SEMA6D: variants seen among roughly 807,000 people sequenced by gnomAD.
SEMA6D encodes the protein semaphorin-6D.
SEMA6D carries 35 observed loss-of-function variants against 106.6 expected under a neutral mutation model. The ratio of observed to expected loss-of-function variants is 0.33; its 90% CI spans 0.25 to 0.44. SEMA6D has a LOEUF of 0.44. SEMA6D is among the 20% of genes least tolerant of loss of function. The pLI, the probability that SEMA6D is intolerant of heterozygous loss-of-function variation, is 1.00. For synonymous variants in SEMA6D, 499 were observed against 487.7 expected (o/e 1.02, Z -0.31); for missense variants, 1,185 against 1,345.9 (o/e 0.88, Z 1.87).
intron 1 of SEMA6D, among the ~76,000 whole-genome samples, chr15:47,407,389 C>CAAA (rs2040617329): frequency 4.8e-5 from 4 of 83,680 alleles, no homozygotes; most frequent in African/African-American, 8.7e-5. Context: ...AAAAAAAAAC[C>CAAA]AAAACAACAA....
chr15:47,604,868 T>TTTTG lies in SEMA6D; in HGVS notation c.-55+3975_-55+3976insGTTT, dbSNP rs2076744112. Reference sequence around the variant, plus strand: ...CCCACCACCACCATGCCTGGCTAATTTTTTTTTTTTTGTATTTTTAGTAGA... The same window carrying TTTTG: ...CCCACCACCACCATGCCTGGCTAATTTTTGTTTTTTTTTTTGTATTTTTAGTAGA... On this transcript the variant is annotated intron_variant, in intron 4 of 19. Transcript: ENST00000558014. 1.5e-4 allele frequency among the ~76,000 whole-genome samples: 23 copies of TTTTG among 149,948 alleles called. No homozygotes were observed. In the South Asian group the frequency reaches 4.9e-3, roughly 32 times the overall value.
chr15:47,744,983 GT>G (rs2081044134), intron 1 of SEMA6D, among the ~76,000 whole-genome samples: 2 of 152,168 alleles, frequency 1.3e-5, no homozygotes, highest in African/African-American at 4.8e-5. Flanking sequence ...CTTTCTCATG[GT>G]CTGTCAGATC....
intron 3 of SEMA6D, among the ~76,000 whole-genome samples, chr15:47,512,688 A>ACCCC (rs963735752): frequency 6.6e-6 from 1 of 152,232 alleles, no homozygotes; most frequent in African/African-American, 2.4e-5. Context: ...GGACCAAGAC[A>ACCCC]AAGACTGTGA....
At chr15:47,685,930 A>T (rs2078458066) in intron 4 of SEMA6D, among the ~76,000 whole-genome samples, 1 of 152,210 alleles carries the variant, frequency 6.6e-6, no homozygotes, top group Non-Finnish European at 1.5e-5. Flanking sequence ...CATATCTGAG[A>T]TTTAAAATAG....
intron 3 of SEMA6D, among the ~76,000 whole-genome samples, chr15:47,577,719 C>G (rs547884939): frequency 4.6e-5 from 7 of 152,286 alleles, no homozygotes; most frequent in African/African-American, 1.4e-4. Flanking sequence ...GCTTTCCCTC[C>G]CTTACCATTA....
At chr15:47,212,006 A>G (rs767846659) in intron 1 of SEMA6D, among the ~76,000 whole-genome samples, 3 of 152,038 alleles carry the variant, frequency 2.0e-5, no homozygotes, top group African/African-American at 4.8e-5. Flanking sequence ...AAAACTGCTA[A>G]GAAGGAGATA....
chr15:47,583,594 G>A (rs2076288729), intron 3 of SEMA6D, among the ~76,000 whole-genome samples: 1 of 152,116 alleles, frequency 6.6e-6, no homozygotes, highest in South Asian at 2.1e-4. Context: ...TTTAAAAGTA[G>A]TCACTCCTAG....
intron 3 of SEMA6D, among the ~76,000 whole-genome samples, chr15:47,556,656 G>T (rs975414712): frequency 2.6e-5 from 4 of 152,034 alleles, no homozygotes; most frequent in African/African-American, 7.2e-5. Flanking sequence ...TGGAAACACA[G>T]AACTAAATGA....
chr15:47,536,877 A>T (rs2142142849), intron 3 of SEMA6D, among the ~76,000 whole-genome samples: 1 of 152,322 alleles, frequency 6.6e-6, no homozygotes, highest in Non-Finnish European at 1.5e-5. Flanking sequence ...CTGAATATTT[A>T]GGGAGTAATT....
chr15:47,490,675 C>T (rs184080969), intron 3 of SEMA6D, among the ~76,000 whole-genome samples: 284 of 152,176 alleles, frequency 1.9e-3, no homozygotes, highest in African/African-American at 6.6e-3. Context: ...ATAGAAGCTA[C>T]AAACTAGCGC....
At chr15:47,532,758 A>G (rs2045016449) in intron 3 of SEMA6D, among the ~76,000 whole-genome samples, 1 of 152,184 alleles carries the variant, frequency 6.6e-6, no homozygotes. Context: ...GATATTGACT[A>G]AGTATCTCAG....
At chr15:47,495,662 T>A (rs916046433) in intron 3 of SEMA6D, among the ~76,000 whole-genome samples, 15 of 152,104 alleles carry the variant, frequency 9.9e-5, no homozygotes, top group African/African-American at 2.9e-4. Flanking sequence ...TCTGTGGAAC[T>A]GTCTTCTAGC....
At chr15:47,273,385 GT>G (rs2034649524) in intron 1 of SEMA6D, among the ~76,000 whole-genome samples, 1 of 152,142 alleles carries the variant, frequency 6.6e-6, no homozygotes, top group Non-Finnish European at 1.5e-5. Context: ...CTTAAAACTT[GT>G]GTTAAGAGGA....
chr15:47,267,650 A>C (rs1445233551), intron 1 of SEMA6D, among the ~76,000 whole-genome samples: 1 of 152,074 alleles, frequency 6.6e-6, no homozygotes, highest in South Asian at 2.1e-4. Context: ...AGAATTTTAG[A>C]TATCTGACTG....
chr15:47,578,715 T>A (rs2076202024), intron 3 of SEMA6D, among the ~76,000 whole-genome samples: 1 of 152,142 alleles, frequency 6.6e-6, no homozygotes, highest in African/African-American at 2.4e-5. Context: ...CCTGTTGTGT[T>A]TTGAGGAAAT....
At chr15:47,587,502 T>C (rs1220371912) in intron 3 of SEMA6D, among the ~76,000 whole-genome samples, 3 of 152,224 alleles carry the variant, frequency 2.0e-5, no homozygotes, top group African/African-American at 7.2e-5. Context: ...GGGTTAGTTA[T>C]AGCACAAATA....
At chr15:47,268,297 A>G (rs1441449181) in intron 1 of SEMA6D, among the ~76,000 whole-genome samples, 1 of 152,274 alleles carries the variant, frequency 6.6e-6, no homozygotes, top group Non-Finnish European at 1.5e-5. Context: ...TAGACCTTCC[A>G]TTTACTGCTA....
intron 4 of SEMA6D, among the ~76,000 whole-genome samples, chr15:47,662,670 T>C (rs1010453877): frequency 2.6e-5 from 4 of 152,184 alleles, no homozygotes; most frequent in African/African-American, 9.7e-5. Flanking sequence ...ACTTATACTT[T>C]AAAGAATACA....
chr15:47,429,580 T>C (rs963772088), intron 2 of SEMA6D, among the ~76,000 whole-genome samples: 2 of 152,114 alleles, frequency 1.3e-5, no homozygotes, highest in Admixed American at 6.6e-5. Flanking sequence ...AACAAAATTA[T>C]GCATTGACCA....
Sources: allele counts gnomAD v4.1 joint callset (sites outside exome capture counted in the v4.1 genomes callset), GRCh38; gene constraint gnomAD v4.1.1; transcripts MANE v1.5; gene names NCBI Gene and HGNC (gene_info 2026-07-23, HGNC 2026-07-21).